RNPEP: variants seen among roughly 807,000 people sequenced by gnomAD.
The protein encoded by RNPEP is aminopeptidase B.
In RNPEP, 57 loss-of-function variants were observed where a neutral mutation model predicts 70.1. The ratio of observed to expected loss-of-function variants is 0.81; its 90% CI spans 0.66 to 1.01. The LOEUF is 1.01. Ranked by LOEUF, RNPEP falls within the 50% of genes least tolerant of loss-of-function variation. The pLI is 0.00. For missense variants in RNPEP, 787 were observed against 852.4 expected (o/e 0.92, Z 0.96); for synonymous variants, 335 against 357.4 (o/e 0.94, Z 0.71).
chr1:201,983,482 C>G (rs1327676237), intron 1 of RNPEP: 2 of 1,363,622 alleles, frequency 1.5e-6, no homozygotes, highest in South Asian at 2.5e-5. Context: ...TGTTCATGCA[C>G]TTCACTTAGT....
At chr1:201,995,848 G>C (rs1683525698) in intron 3 of RNPEP, 1 of 319,988 alleles carries the variant, frequency 3.1e-6, no homozygotes, top group Non-Finnish European at 5.8e-6. Context: ...TCATTTTACA[G>C]ATGAGGAAAC....
At position 202,005,637 on chromosome 1, in the gene RNPEP, CTT is replaced by C. The variant is rs1684031478; in HGVS notation, c.1877_1878del (p.Phe626CysfsTer43). ...GTGGCCCAGACCCTCGCCAAGGAGA[CTT>C]TTGCATCCACCGCCTCCCAGCTCCA... On this transcript the variant is annotated frameshift_variant, in exon 11 of 11. Transcript: ENST00000295640. LOFTEE classifies it high-confidence loss of function. The C allele has an allele frequency of 1.9e-6, 3 of 1,614,108 alleles. No individual in the cohort carries two copies. The highest frequency in any genetic ancestry group is 2.5e-6 in the Non-Finnish European group (3 of 1,180,050).
At position 201,988,989 on chromosome 1, in the gene RNPEP, T is replaced by C. The variant is rs1363037276; in HGVS notation, c.533T>C (p.Phe178Ser). 1 of 1,614,172 alleles carries C rather than the reference T, an allele frequency of 6.2e-7. No individual in the cohort carries two copies. Among genetic ancestry groups the C allele is most frequent in the Admixed American group, 1.7e-5 (1 of 60,018 alleles). The change falls in exon 2 of 11, where the codon TTC becomes TCC. Residue 178 changes from phenylalanine to serine, a missense_variant. Coordinates refer to ENST00000295640, the MANE Select transcript of RNPEP (RefSeq NM_020216.4). ...TQGQAVLNRA[F>S]FPCFDTPAVK... Reference sequence around the variant, plus strand: ...GGCCAGGCTGTCCTAAACCGGGCCTTCTTCCCTTGCTTCGACACGCCTGCT... The same window carrying C: ...GGCCAGGCTGTCCTAAACCGGGCCTCCTTCCCTTGCTTCGACACGCCTGCT...
chr1:202,005,528 C>T lies in RNPEP; in HGVS notation c.1795-30C>T, dbSNP rs372808657. 2.5e-6 allele frequency: 4 copies of T among 1,610,526 alleles called. No individual in the cohort carries two copies. In the African/African-American group the frequency reaches 5.3e-5, roughly 22 times the overall value. On this transcript the variant is annotated intron_variant, in intron 10 of 10. Coordinates refer to ENST00000295640, the MANE Select transcript of RNPEP (RefSeq NM_020216.4). ...CTGGACAGATCCACCAGGCAAGCTT[C>T]TTAGGCATGTGTATGTGTGTTTCTT...
At position 202,005,822 on chromosome 1, in the gene RNPEP, C is replaced by A; in HGVS notation, c.*106C>A. 1 of 1,300,674 alleles carries A rather than the reference C, an allele frequency of 7.7e-7. No homozygotes were observed. The highest frequency in any genetic ancestry group is 1.1e-6 in the Non-Finnish European group (1 of 920,214). 80.6% of individuals were successfully genotyped at this position (1,300,674 alleles called of 1,614,324 possible). A position where few individuals can be genotyped will look rare whatever the true frequency, so the allele number is the denominator to read the frequency against. ...GATCAACTTCCTGGAGTTTATATCC[C>A]CTCAGGATAATCTATTCTCTAGCTT... On this transcript the variant is annotated 3_prime_UTR_variant, in exon 11 of 11. Transcript: ENST00000295640.
At chr1:201,995,229 T>C (rs1683504382) in intron 3 of RNPEP, among the ~76,000 whole-genome samples, 1 of 152,232 alleles carries the variant, frequency 6.6e-6, no homozygotes, top group South Asian at 2.1e-4. Flanking sequence ...TAGAACCATC[T>C]ACTTTGTCAT....
At chr1:201,994,634 C>T (rs1683475799) in intron 3 of RNPEP, among the ~76,000 whole-genome samples, 1 of 151,320 alleles carries the variant, frequency 6.6e-6, no homozygotes, top group South Asian at 2.1e-4. Context: ...TTCCCTCATC[C>T]GGGCCTGGAC....
intron 4 of RNPEP, among the ~76,000 whole-genome samples, chr1:201,996,640 C>A (rs941629248): frequency 2.0e-5 from 3 of 152,058 alleles, no homozygotes; most frequent in Non-Finnish European, 1.5e-5. Flanking sequence ...ATTACAGACG[C>A]CCTCCACCAC....
At chr1:201,988,850 A>T (rs757299142) in intron 1 of RNPEP, 54 bp from the exon 2 acceptor site, 27 of 1,557,104 alleles carry the variant, frequency 1.7e-5, no homozygotes, top group Non-Finnish European at 2.3e-5. Context: ...TTCTCTGGCC[A>T]GACTGAGCTC....
rs1050572425 is a variant in RNPEP at position 201,989,609 on chromosome 1, G to T, written c.737+78G>T. The T allele has an allele frequency of 2.1e-5, 31 of 1,503,284 alleles. No homozygotes were observed. In the Admixed American group the frequency reaches 4.7e-4, roughly 23 times the overall value. The allele number at this position is 1,503,284 out of a possible 1,614,324, so 93.1% of individuals were successfully genotyped here. ...GGACTCTGACCAGTGGACCTGCTGG[G>T]GGGGTTCTTGGGCAGTCTTGGATCC... On this transcript the variant is annotated intron_variant, in intron 3 of 10. Transcript: ENST00000295640.
At chr1:201,983,444 A>G (rs1036230607) in intron 1 of RNPEP, 58 of 1,446,192 alleles carry the variant, frequency 4.0e-5, no homozygotes, top group Non-Finnish European at 5.3e-5. Flanking sequence ...CGTTTCTAAC[A>G]TTTTCCGTGG....
Position 201,983,005 on chromosome 1 carries a change from G to T in RNPEP, c.339G>T (p.Gln113His). ...CGGAGCCCGTGAGCTTCTACACGCA[G>T]CCCTTCTCGCACTATGGCCAGGCCC... ...PPAEPVSFYT[Q>H]PFSHYGQALC... Residue 113 changes from glutamine (Q) to histidine (H), a missense_variant, in exon 1 of 11, where the codon CAG (glutamine) becomes CAT (histidine). Transcript: ENST00000295640. 1 of 1,523,148 alleles carries T rather than the reference G, an allele frequency of 6.6e-7. No individual in the cohort carries two copies. Among genetic ancestry groups the T allele is most frequent in the South Asian group, 1.2e-5 (1 of 81,678 alleles). The allele number at this position is 1,523,148 out of a possible 1,614,324, so 94.4% of individuals were successfully genotyped here. A position where few individuals can be genotyped will look rare whatever the true frequency, so the allele number is the denominator to read the frequency against.
chr1:201,996,374 G>A, intron 4 of RNPEP, 111 bp downstream of exon 4: 2 of 773,942 alleles, frequency 2.6e-6, no homozygotes, highest in Non-Finnish European at 4.6e-6. Flanking sequence ...AAGTTTCCCT[G>A]ATCCCAGAAG....
rs767023078 is a variant in RNPEP, at chr1:201,997,313, C to T, written c.855-6C>T. The T allele has an allele frequency of 1.4e-5, 23 of 1,612,354 alleles. No homozygotes were observed. The highest frequency in any genetic ancestry group is 6.6e-5 in the South Asian group (6 of 91,048). ...GCCTCTTGGTGACCTCCCCGCTTCT[C>T]GGCAGGTATGACTTGCTCTTCATGC... On this transcript the variant is annotated splice_polypyrimidine_tract_variant and splice_region_variant and intron_variant, in intron 4 of 10. Coordinates refer to ENST00000295640, the MANE Select transcript of RNPEP (RefSeq NM_020216.4).
intron 1 of RNPEP, among the ~76,000 whole-genome samples, chr1:201,987,413 A>C (rs1683168219): frequency 6.8e-6 from 1 of 147,812 alleles, no homozygotes; most frequent in Admixed American, 6.8e-5. Context: ...TTTGTGATAA[A>C]TCATTCAGAT....
chr1:201,989,419 A>G lies in RNPEP; in HGVS notation c.625A>G (p.Thr209Ala). Residue 209 changes from threonine to alanine, a missense_variant, in exon 3 of 11, where the codon ACC (threonine) becomes GCC (alanine). By Grantham distance (58) the Thr-to-Ala change is moderately conservative. Transcript: ENST00000295640. ...CTTCACAGCTGTGATGAGTGCTAGC[A>G]CCTGGGAGAAGAGAGGTCCAAATAA... ...DGFTAVMSAS[T>A]WEKRGPNKFF... 2 of 1,614,190 alleles carry G rather than the reference A, an allele frequency of 1.2e-6. No individual in the cohort carries two copies. Among genetic ancestry groups the G allele is most frequent in the Non-Finnish European group, 1.7e-6 (2 of 1,180,038 alleles).
At chr1:201,984,821 C>CTTTTTTCTTTTTTTTT (rs1558257963) in intron 1 of RNPEP, among the ~76,000 whole-genome samples, 1 of 121,998 alleles carries the variant, frequency 8.2e-6, no homozygotes, top group Non-Finnish European at 1.7e-5. Context: ...GTATTTCTTT[C>CTTTTTTCTTTTTTTTT]TTTTTTTTTT....
Position 202,003,393 on chromosome 1 carries a change from C to A in RNPEP, c.1583C>A (p.Ser528Tyr). ...AAGGCCATTGAAGCCGTGGCCATCT[C>A]TCCCTGGAAGACCTACCAGCTGGTC... ...DMKAIEAVAI[S>Y]PWKTYQLVYF... Residue 528 changes from serine (S) to tyrosine (Y), a missense_variant, in exon 9 of 11, where the codon TCT becomes TAT. Physicochemically the swap from Ser to Tyr is moderately radical, Grantham distance 144 (BLOSUM62 -2). Coordinates refer to ENST00000295640, the MANE Select transcript of RNPEP (RefSeq NM_020216.4). 3 of 1,614,174 alleles carry A rather than the reference C, an allele frequency of 1.9e-6. No individual in the cohort carries two copies. The highest frequency in any genetic ancestry group is 2.5e-6 in the Non-Finnish European group (3 of 1,180,026).
intron 3 of RNPEP, among the ~76,000 whole-genome samples, chr1:201,990,199 A>G (rs1346427053): frequency 1.3e-5 from 2 of 152,168 alleles, no homozygotes; most frequent in South Asian, 2.1e-4. Flanking sequence ...TCTAGCAGCT[A>G]TATCCACTTT....
Sources: gnomAD v4.1 joint callset for allele counts (sites outside exome capture counted in the v4.1 genomes callset) on GRCh38, gnomAD v4.1.1 for gene constraint, MANE v1.5 for transcripts, NCBI Gene and HGNC (gene_info 2026-07-23, HGNC 2026-07-21) for gene names.